HS3ST4: variants seen among roughly 807,000 people sequenced by gnomAD.
HS3ST4 encodes heparan sulfate-glucosamine 3-sulfotransferase 4, also known as heparan sulfate glucosamine 3-O-sulfotransferase 4.
In HS3ST4, 17 loss-of-function variants were observed where a neutral mutation model predicts 29.2. That is an observed-to-expected ratio of 0.58 (90% confidence interval 0.40 to 0.87). HS3ST4 has a LOEUF of 0.87. HS3ST4 is among the 40% of genes least tolerant of loss of function. The pLI is 0.00. For synonymous variants in HS3ST4, 314 were observed against 285.7 expected, an observed-to-expected ratio of 1.10 and a Z score of -1.00; for missense variants, 627 against 634.5, an observed-to-expected ratio of 0.99 and a Z score of 0.13.
At chr16:26,087,503 C>G (rs1221481482) in intron 1 of HS3ST4, among the ~76,000 whole-genome samples, 1 of 151,952 alleles carries the variant, frequency 6.6e-6, no homozygotes, top group East Asian at 2.0e-4. Context: ...CTCCCTCACT[C>G]CCTCAGCGTC....
At chr16:25,887,190 T>A (rs534879556) in intron 1 of HS3ST4, among the ~76,000 whole-genome samples, 1 of 152,216 alleles carries the variant, frequency 6.6e-6, no homozygotes, top group South Asian at 2.1e-4. Flanking sequence ...AGAAAGCTGA[T>A]GGGGAATTTG....
chr16:26,085,409 A>G (rs1898774624), intron 1 of HS3ST4, among the ~76,000 whole-genome samples: 1 of 152,242 alleles, frequency 6.6e-6, no homozygotes. Context: ...AGTGAACAAC[A>G]TAGACCAAGC....
chr16:25,966,376 T>C (rs947572967), intron 1 of HS3ST4, among the ~76,000 whole-genome samples: 4 of 152,152 alleles, frequency 2.6e-5, no homozygotes, highest in African/African-American at 9.7e-5. Context: ...CTAGAAACCA[T>C]ACTCTGACTC....
chr16:25,770,109 A>G (rs1304528696), intron 1 of HS3ST4, among the ~76,000 whole-genome samples: 2 of 152,182 alleles, frequency 1.3e-5, no homozygotes, highest in African/African-American at 4.8e-5. Context: ...AAATTGCAAC[A>G]GAACTTAAAA....
intron 1 of HS3ST4, among the ~76,000 whole-genome samples, chr16:25,829,716 C>T (rs1360925416): frequency 6.6e-6 from 1 of 151,906 alleles, no homozygotes; most frequent in Non-Finnish European, 1.5e-5. Context: ...ATGATGGCTT[C>T]CAGTTTCATC....
chr16:26,025,816 G>A (rs913248369), intron 1 of HS3ST4, among the ~76,000 whole-genome samples: 9 of 152,084 alleles, frequency 5.9e-5, no homozygotes, highest in Admixed American at 1.3e-4. Flanking sequence ...TCATTCTGTC[G>A]CCAGGCTGGA....
intron 1 of HS3ST4, among the ~76,000 whole-genome samples, chr16:25,978,914 C>T (rs1262934927): frequency 6.6e-6 from 1 of 150,542 alleles, no homozygotes; most frequent in Non-Finnish European, 1.5e-5. Context: ...TGACCAAATG[C>T]CATCTTTGAC....
chr16:26,057,632 A>G (rs935996393), intron 1 of HS3ST4, among the ~76,000 whole-genome samples: 1 of 152,166 alleles, frequency 6.6e-6, no homozygotes, highest in African/African-American at 2.4e-5. Flanking sequence ...GCACACCTAT[A>G]GTCCCAGCTA....
intron 1 of HS3ST4, among the ~76,000 whole-genome samples, chr16:25,827,533 C>CAAAA (rs11371550): frequency 1.1e-4 from 15 of 136,226 alleles, no homozygotes; most frequent in East Asian, 2.1e-4. Context: ...GCTGTCTTCA[C>CAAAA]AAAAAAAAAA....
intron 1 of HS3ST4, among the ~76,000 whole-genome samples, chr16:25,956,925 G>A (rs942940415): frequency 6.7e-6 from 1 of 150,100 alleles, no homozygotes; most frequent in Non-Finnish European, 1.5e-5. Context: ...GTGAACCCGG[G>A]AGGTGGAGCT....
At chr16:26,065,291 C>A (rs1898529192) in intron 1 of HS3ST4, among the ~76,000 whole-genome samples, 1 of 152,160 alleles carries the variant, frequency 6.6e-6, no homozygotes, top group African/African-American at 2.4e-5. Context: ...TACTATGCAG[C>A]CATAGAAAAG....
At chr16:26,064,393 A>T (rs944349183) in intron 1 of HS3ST4, among the ~76,000 whole-genome samples, 3 of 152,216 alleles carry the variant, frequency 2.0e-5, no homozygotes, top group African/African-American at 7.2e-5. Context: ...CGGGTAGACC[A>T]TGAGCAAAGG....
At chr16:25,877,851 A>C (rs1967848939) in intron 1 of HS3ST4, among the ~76,000 whole-genome samples, 1 of 152,210 alleles carries the variant, frequency 6.6e-6, no homozygotes, top group Admixed American at 6.5e-5. Context: ...TCATTTCTTC[A>C]GCAGATATTT....
At chr16:25,894,094 T>C (rs1968036658) in intron 1 of HS3ST4, among the ~76,000 whole-genome samples, 1 of 152,206 alleles carries the variant, frequency 6.6e-6, no homozygotes, top group Admixed American at 6.5e-5. Flanking sequence ...CTCAAGTCGC[T>C]ATTTTCTTAC....
rs780179798 is a variant in HS3ST4, at chr16:25,692,994, G to A, written c.577G>A (p.Gly193Arg). Reference protein sequence around the residue: ...RGGAVSTPDYGEKKLPQALII... With the variant: ...RGGAVSTPDYREKKLPQALII... ...CGGCGCCGTCAGCACCCCCGACTAT[G>A]GGGAGAAGAAGCTGCCACAGGCGCT... is the stretch of plus-strand genomic sequence containing the variant. Residue 193 changes from glycine to arginine, a missense_variant, in exon 1 of 2, where the codon GGG becomes AGG. Transcript: ENST00000331351. 4.3e-6 allele frequency: 7 copies of A among 1,611,430 alleles called. No individual in the cohort carries two copies. Among genetic ancestry groups the A allele is most frequent in the Non-Finnish European group, 5.9e-6 (7 of 1,179,404 alleles).
At chr16:26,051,774 C>T (rs1054238480) in intron 1 of HS3ST4, among the ~76,000 whole-genome samples, 2 of 151,416 alleles carry the variant, frequency 1.3e-5, no homozygotes, top group African/African-American at 2.4e-5. Flanking sequence ...CCACCCCACA[C>T]ACTTTCTTTC....
intron 1 of HS3ST4, among the ~76,000 whole-genome samples, chr16:25,785,987 T>C (rs921319125): frequency 2.6e-5 from 4 of 152,158 alleles, no homozygotes; most frequent in Non-Finnish European, 2.9e-5. Flanking sequence ...TGTACATTGA[T>C]AGAATTGCTC....
Position 26,037,364 on chromosome 16 carries a change from G to A in HS3ST4, c.735-98248G>A, listed in dbSNP as rs186535370. On this transcript the variant is annotated intron_variant, in intron 1 of 1. Transcript: ENST00000331351. ...CTCTTTCTTGGATCTCTTCTCCTAA[G>A]GAGAGATTGTGTGCCAATGTTTAAG... Among the ~76,000 whole-genome samples, 616 of 152,290 alleles carry A rather than the reference G, an allele frequency of 4.0e-3. 2 individuals carry two copies. Among genetic ancestry groups the A allele is most frequent in the African/African-American group, 0.014 (589 of 41,572 alleles).
chr16:25,862,514 GATGCT>G (rs1391285049), intron 1 of HS3ST4, among the ~76,000 whole-genome samples: 11 of 152,136 alleles, frequency 7.2e-5, no homozygotes, highest in Admixed American at 1.3e-4. Context: ...ATGTAATGCC[GATGCT>G]GATATGACAG....
Sources: gnomAD v4.1 joint callset for allele counts (sites outside exome capture counted in the v4.1 genomes callset) on GRCh38, gnomAD v4.1.1 for gene constraint, MANE v1.5 for transcripts, NCBI Gene and HGNC (gene_info 2026-07-23, HGNC 2026-07-21) for gene names.